The following CCDC178 variants were observed in gnomAD, a reference collection of about 807,000 sequenced individuals.
CCDC178 encodes the protein coiled-coil domain containing 178.
CCDC178 carries 126 observed loss-of-function variants against 117.4 expected under a neutral mutation model. The ratio of observed to expected loss-of-function variants is 1.07; its 90% CI spans 0.93 to 1.24. The LOEUF (loss-of-function observed/expected upper bound fraction) is 1.24, where lower values mean the gene tolerates loss of function less well. Ranked by LOEUF, CCDC178 falls within the 50% of genes most tolerant of loss-of-function variation. The pLI is 0.00. For synonymous variants in CCDC178, 283 were observed against 313.4 expected (o/e 0.90, Z 1.02); for missense variants, 1,030 against 986.9 (o/e 1.04, Z -0.59).
At chr18:33,100,575 GT>G (rs2057610713) in intron 20 of CCDC178, among the ~76,000 whole-genome samples, 1 of 151,894 alleles carries the variant, frequency 6.6e-6, no homozygotes, top group Admixed American at 6.6e-5. Context: ...GATGAGCAAA[GT>G]TTCAAGGAAG....
intron 20 of CCDC178, among the ~76,000 whole-genome samples, chr18:33,159,202 A>G (rs2058435954): frequency 6.6e-6 from 1 of 152,134 alleles, no homozygotes; most frequent in Admixed American, 6.6e-5. Flanking sequence ...TTGTAACAAT[A>G]AATAATTTCC....
chr18:32,997,124 T>C (rs980990437), intron 21 of CCDC178, among the ~76,000 whole-genome samples: 2 of 152,170 alleles, frequency 1.3e-5, no homozygotes, highest in Non-Finnish European at 2.9e-5. Flanking sequence ...TGTAAAATTT[T>C]TTCAATGGAT....
At chr18:33,265,716 C>G (rs1246921843) in intron 14 of CCDC178, among the ~76,000 whole-genome samples, 2 of 151,674 alleles carry the variant, frequency 1.3e-5, no homozygotes, top group Non-Finnish European at 2.9e-5. Context: ...TCCTTTCACC[C>G]CTGTTAAAAT....
intron 14 of CCDC178, among the ~76,000 whole-genome samples, chr18:33,261,426 T>A (rs907660137): frequency 9.8e-5 from 13 of 132,722 alleles, no homozygotes; most frequent in Non-Finnish European, 4.7e-5. Context: ...TATGCCCCCC[T>A]CTATTGATTT....
At chr18:33,238,746 G>A (rs1231778830) in intron 15 of CCDC178, among the ~76,000 whole-genome samples, 2 of 152,122 alleles carry the variant, frequency 1.3e-5, no homozygotes, top group African/African-American at 2.4e-5. Flanking sequence ...CCAAAGTCAT[G>A]AGAGAGAGAT....
chr18:33,137,496 T>C (rs1262266306), intron 20 of CCDC178, among the ~76,000 whole-genome samples: 1 of 152,334 alleles, frequency 6.6e-6, no homozygotes, highest in East Asian at 1.9e-4. Flanking sequence ...GAGAACCTAG[T>C]CTGAGCTGAC....
At chr18:33,279,527 C>A (rs962947908) in intron 12 of CCDC178, among the ~76,000 whole-genome samples, 1 of 152,138 alleles carries the variant, frequency 6.6e-6, no homozygotes, top group African/African-American at 2.4e-5. Flanking sequence ...ACCATACTTC[C>A]CAAGGTAATT....
intron 2 of CCDC178, among the ~76,000 whole-genome samples, chr18:33,426,131 G>C (rs554872571): frequency 6.6e-6 from 1 of 152,140 alleles, no homozygotes; most frequent in Non-Finnish European, 1.5e-5. Flanking sequence ...AATTATTCTC[G>C]ATCTCCTGAC....
chr18:33,316,427 C>G (rs543507610), intron 11 of CCDC178, among the ~76,000 whole-genome samples: 1 of 152,100 alleles, frequency 6.6e-6, no homozygotes, highest in East Asian at 1.9e-4. Context: ...GGCAGCGCTC[C>G]GGACCTGCAG....
chr18:33,036,975 C>T (rs573763859), intron 21 of CCDC178, among the ~76,000 whole-genome samples: 4 of 151,680 alleles, frequency 2.6e-5, no homozygotes, highest in South Asian at 4.2e-4. Context: ...TTTCTTTTTG[C>T]GTGAAAGAAG....
intron 20 of CCDC178, among the ~76,000 whole-genome samples, chr18:33,194,946 C>CAG (rs149465796): frequency 0.14 from 14,659 of 105,858 alleles, 1,326 homozygotes; most frequent in African/African-American, 0.29. Context: ...GAGAGAGAGA[C>CAG]AGAGAGAGAG....
At chr18:33,397,604 C>T (rs1006316329) in intron 3 of CCDC178, among the ~76,000 whole-genome samples, 12 of 151,952 alleles carry the variant, frequency 7.9e-5, no homozygotes, top group Admixed American at 2.6e-4. Flanking sequence ...TAAGATTGGC[C>T]TTATGACATA....
At chr18:33,360,909 C>T (rs1382107041) in intron 6 of CCDC178, among the ~76,000 whole-genome samples, 1 of 151,366 alleles carries the variant, frequency 6.6e-6, no homozygotes, top group Non-Finnish European at 1.5e-5. Context: ...CTAAAATAAT[C>T]CTAGTACTCT....
At chr18:33,379,173 A>AATATATATATTTCCATATATATAAT (rs1568187878) in intron 5 of CCDC178, among the ~76,000 whole-genome samples, 54 of 49,170 alleles carry the variant, frequency 1.1e-3, no homozygotes, top group African/African-American at 2.7e-3. Flanking sequence ...CCATATATAT[A>AATATATATATTTCCATATATATAAT]ATATATATAT....
intron 10 of CCDC178, among the ~76,000 whole-genome samples, 155 bp downstream of exon 10, chr18:33,333,019 G>A (rs180803790): frequency 6.8e-6 from 1 of 146,452 alleles, no homozygotes; most frequent in Admixed American, 6.8e-5. Flanking sequence ...TAGTTAAAAT[G>A]AATACCAACA....
At chr18:33,371,735 T>G (rs1229554787) in intron 5 of CCDC178, among the ~76,000 whole-genome samples, 1 of 151,602 alleles carries the variant, frequency 6.6e-6, no homozygotes, top group African/African-American at 2.4e-5. Context: ...GCTATAACTA[T>G]TTTTTGTATG....
At chr18:33,016,363 G>A (rs532653266) in intron 21 of CCDC178, among the ~76,000 whole-genome samples, 1 of 151,974 alleles carries the variant, frequency 6.6e-6, no homozygotes, top group Non-Finnish European at 1.5e-5. Context: ...GTTTTGGCTA[G>A]CAGATCTGCT....
In CCDC178 at chr18:33,333,289, G is replaced by C. The variant is rs1469888918; in HGVS notation, c.764C>G (p.Ala255Gly). The C allele has an allele frequency of 1.1e-5, 18 of 1,611,446 alleles. No homozygotes were observed. Among genetic ancestry groups the C allele is most frequent in the Non-Finnish European group, 1.5e-5 (18 of 1,178,276 alleles). ...FEKQKTELEE[A>G]NAKIQADIDY... The stretch of plus-strand genomic sequence containing the variant: ...TATGTCTGCTTGAATCTTTGCATTT[G>C]CTTCTTCTAACTCTGTCTTTTGTTT... The change falls in exon 10 of 23, where the codon GCA becomes GGA. Residue 255 changes from alanine to glycine, a missense_variant. Transcript: ENST00000383096.
chr18:33,269,947 A>T (rs2059867105), intron 12 of CCDC178, among the ~76,000 whole-genome samples: 1 of 151,862 alleles, frequency 6.6e-6, no homozygotes, highest in African/African-American at 2.4e-5. Context: ...CCAATTGGAA[A>T]TTTGAAATAT....
Sources: allele counts gnomAD v4.1 joint callset (sites outside exome capture counted in the v4.1 genomes callset), GRCh38; gene constraint gnomAD v4.1.1; transcripts MANE v1.5; gene names NCBI Gene and HGNC (gene_info 2026-07-23, HGNC 2026-07-21).